The following ZC3H12B variants were observed in gnomAD, a reference collection of about 807,000 sequenced individuals.
ZC3H12B encodes probable ribonuclease ZC3H12B.
In ZC3H12B, 7 loss-of-function variants were observed where a neutral mutation model predicts 43.9. That is an observed-to-expected ratio of 0.16 (90% CI 0.09 to 0.30). The LOEUF (loss-of-function observed/expected upper bound fraction) is 0.30. ZC3H12B is among the 10% of genes least tolerant of loss of function. The pLI is 1.00. For synonymous variants in ZC3H12B, 222 were observed against 241.7 expected, an observed-to-expected ratio of 0.92 and a Z score of 0.76; for missense variants, 475 against 670.2, an observed-to-expected ratio of 0.71 and a Z score of 3.22.
the ZC3H12B span, among the ~76,000 whole-genome samples, chrX:65,288,885 AT>A: frequency 8.9e-6 from 1 of 112,246 alleles, no homozygotes; most frequent in African/African-American, 3.2e-5. Flanking sequence ...TAATAAATAA[AT>A]TTAGTAATGT....
the ZC3H12B span, among the ~76,000 whole-genome samples, chrX:65,339,841 C>G: frequency 9.8e-5 from 11 of 112,171 alleles, no homozygotes; most frequent in Non-Finnish European, 2.1e-4. Context: ...CTCTACACTA[C>G]AGCTTCCCCC....
At chrX:65,312,084 G>T in the ZC3H12B span, among the ~76,000 whole-genome samples, 1 of 111,434 alleles carries the variant, frequency 9.0e-6, no homozygotes, top group African/African-American at 3.3e-5. Flanking sequence ...CATGGCATAT[G>T]TATATCTATT....
At chrX:65,348,581 A>G in the ZC3H12B span, among the ~76,000 whole-genome samples, 2 of 110,674 alleles carry the variant, frequency 1.8e-5, no homozygotes, top group African/African-American at 3.3e-5. Context: ...TAGGATAAAG[A>G]GTCAAGACCC....
chrX:65,345,312 G>A, the ZC3H12B span, among the ~76,000 whole-genome samples: 4 of 111,976 alleles, frequency 3.6e-5, no homozygotes, highest in African/African-American at 1.3e-4. Flanking sequence ...CTTGTCAGTG[G>A]TAGACTGGAT....
chrX:65,095,381 G>A, the ZC3H12B span, among the ~76,000 whole-genome samples: 1 of 111,373 alleles, frequency 9.0e-6, no homozygotes, highest in Non-Finnish European at 1.9e-5. Context: ...AAGCTGAACA[G>A]ACTGAAAAAC....
At chrX:65,264,693 G>T in the ZC3H12B span, among the ~76,000 whole-genome samples, 5 of 111,580 alleles carry the variant, frequency 4.5e-5, no homozygotes, top group Admixed American at 9.5e-5. Context: ...CTGAAGTCCA[G>T]AAAAGTGACA....
At chrX:65,506,415 G>C (rs762869741) in exon 5 of ZC3H12B, 5 of 111,765 alleles carry the variant, frequency 4.5e-5, no homozygotes, top group Admixed American at 2.9e-4. Context: ...TTTCCATTTT[G>C]TCTGTAATTA....
the ZC3H12B span, among the ~76,000 whole-genome samples, chrX:65,265,436 C>T: frequency 8.9e-6 from 1 of 112,288 alleles, no homozygotes; most frequent in Non-Finnish European, 1.9e-5. Flanking sequence ...ATCCAGCCTA[C>T]TGGCAGCCAG....
chrX:65,389,490 C>T (rs2066581374), intron 2 of ZC3H12B, among the ~76,000 whole-genome samples: 1 of 112,464 alleles, frequency 8.9e-6, no homozygotes, highest in Non-Finnish European at 1.9e-5. Flanking sequence ...TGGAAAAGCA[C>T]AGTATTAGGG....
At chrX:65,381,809 G>A (rs1273958084) in intron 2 of ZC3H12B, among the ~76,000 whole-genome samples, 7 of 111,939 alleles carry the variant, frequency 6.3e-5, no homozygotes, top group Non-Finnish European at 1.3e-4. Flanking sequence ...ACCACCATCA[G>A]AGAATACTAC....
At chrX:65,214,197 G>A in the ZC3H12B span, among the ~76,000 whole-genome samples, 10 of 110,658 alleles carry the variant, frequency 9.0e-5, no homozygotes, top group Non-Finnish European at 1.7e-4. Flanking sequence ...TAAGGGTGGC[G>A]GTTGCTCAAC....
At chrX:65,453,450 G>T (rs948216059) in intron 3 of ZC3H12B, among the ~76,000 whole-genome samples, 1 of 95,265 alleles carries the variant, frequency 1.0e-5, no homozygotes, top group Non-Finnish European at 2.1e-5. Context: ...ACCAGGTGCG[G>T]TTGCTCATGC....
At chrX:65,230,609 G>T in the ZC3H12B span, among the ~76,000 whole-genome samples, 2 of 85,855 alleles carry the variant, frequency 2.3e-5, no homozygotes, top group African/African-American at 4.4e-5. Context: ...TTCCCCCAGC[G>T]CCAAAAAAAA....
At chrX:65,458,085 T>TAAAAAAAAAAAAAAAAAAAAAAAA (rs59738258) in intron 3 of ZC3H12B, among the ~76,000 whole-genome samples, 1 of 49,083 alleles carries the variant, frequency 2.0e-5, no homozygotes, top group South Asian at 8.5e-4. Context: ...AAAAAAAAAT[T>TAAAAAAAAAAAAAAAAAAAAAAAA]AAAAAAAAAA....
chrX:65,240,685 C>T, the ZC3H12B span, among the ~76,000 whole-genome samples: 1 of 112,401 alleles, frequency 8.9e-6, no homozygotes, highest in East Asian at 2.8e-4. Flanking sequence ...CACACTGATT[C>T]GTTTTCATCC....
chrX:65,310,824 G>T, the ZC3H12B span, among the ~76,000 whole-genome samples: 1 of 111,060 alleles, frequency 9.0e-6, no homozygotes, highest in Non-Finnish European at 1.9e-5. Flanking sequence ...ACAGAACAGG[G>T]GCCTCAGAAA....
At chrX:65,345,919 A>G in the ZC3H12B span, among the ~76,000 whole-genome samples, 18 of 111,427 alleles carry the variant, frequency 1.6e-4, no homozygotes, top group Middle Eastern at 4.6e-3. Flanking sequence ...CAAAGAAGTG[A>G]ATGATCTCTC....
chrX:65,345,013 A>C, the ZC3H12B span, among the ~76,000 whole-genome samples: 1 of 112,287 alleles, frequency 8.9e-6, no homozygotes, highest in Non-Finnish European at 1.9e-5. Flanking sequence ...ACCATCTCAC[A>C]CCAGTCAAAA....
intron 3 of ZC3H12B, among the ~76,000 whole-genome samples, chrX:65,419,784 G>T (rs1485156158): frequency 9.0e-6 from 1 of 110,592 alleles, no homozygotes; most frequent in Non-Finnish European, 1.9e-5. Context: ...AGCCTCCATA[G>T]ATCCAAGCAC....
Sources: allele counts gnomAD v4.1 joint callset (sites outside exome capture counted in the v4.1 genomes callset), GRCh38; gene constraint gnomAD v4.1.1; transcripts MANE v1.5; gene names NCBI Gene and HGNC (gene_info 2026-07-23, HGNC 2026-07-21).